ATP1A2: variants seen among roughly 807,000 people sequenced by gnomAD.
ATP1A2 encodes the protein sodium/potassium-transporting ATPase subunit alpha-2.
In ATP1A2, 56 loss-of-function variants were observed where a neutral mutation model predicts 113.1. The observed-to-expected ratio is 0.49, with a 90% CI of 0.40 to 0.62. The LOEUF is 0.62. Among genes scored for constraint, ATP1A2 ranks in the 20% least tolerant of loss-of-function variants. ATP1A2 has a pLI of 0.00. For synonymous variants in ATP1A2, 490 were observed against 526.8 expected (o/e 0.93, Z 0.96); for missense variants, 712 against 1,357.8 (o/e 0.52, Z 7.47).
intron 21 of ATP1A2, 42 bp from the exon 22 acceptor site, chr1:160,139,851 C>T: frequency 1.2e-6 from 2 of 1,611,874 alleles, no homozygotes; most frequent in Non-Finnish European, 1.7e-6. Context: ...AGCCACCAAG[C>T]CAACCTCTGA....
chr1:160,117,592 G>C (rs777285203), intron 1 of ATP1A2, among the ~76,000 whole-genome samples: 2 of 152,142 alleles, frequency 1.3e-5, no homozygotes, highest in East Asian at 1.9e-4. Flanking sequence ...CTGGAGCTTA[G>C]AGTTCAACCT....
chr1:160,137,018 C>T lies in ATP1A2; in HGVS notation c.2827C>T (p.Gln943Ter), dbSNP rs1651975273. 6.2e-7 allele frequency: 1 copy of T among 1,614,042 alleles called. No individual in the cohort carries two copies. The highest frequency in any genetic ancestry group is 8.5e-7 in the Non-Finnish European group (1 of 1,180,038). The change falls in exon 20 of 23, where the codon CAG (glutamine) becomes TAG (stop). Residue 943 changes from glutamine (Q) to a stop codon, truncating the protein, a stop_gained. Coordinates refer to ENST00000361216, the MANE Select transcript of ATP1A2 (RefSeq NM_000702.4). LOFTEE classifies it high-confidence loss of function. ...ICKTRRNSVF[Q>*]QGMKNKILIF... ...CAAGACCCGCCGCAACTCAGTCTTC[C>T]AGCAGGGCATGAAGTGAGTGCCCAC...
In ATP1A2 at chr1:160,129,021, T is replaced by C; in HGVS notation, c.1258T>C (p.Ser420Pro). The stretch of plus-strand genomic sequence containing the variant: ...ACGATCCCCTACGTGGACGGCCCTG[T>C]CTCGAATTGCTGGTCTCTGCAACCG... Reference protein sequence around the residue: ...DKRSPTWTALSRIAGLCNRAV... With the variant: ...DKRSPTWTALPRIAGLCNRAV... Residue 420 changes from serine (S) to proline (P), a missense_variant, in exon 10 of 23, where the codon TCT becomes CCT. Ser to Pro is a moderately conservative substitution (Grantham distance 74). This residue lies in a region of ATP1A2 where 263 missense variants were observed against 380.6 expected (regional missense o/e 0.69). Transcript: ENST00000361216. The C allele has an allele frequency of 6.2e-7, 1 of 1,611,158 alleles. No individual in the cohort carries two copies. The highest frequency in any genetic ancestry group is 8.5e-7 in the Non-Finnish European group (1 of 1,178,492).
intron 13 of ATP1A2, among the ~76,000 whole-genome samples, chr1:160,133,353 G>A (rs946685632): frequency 1.3e-5 from 2 of 152,080 alleles, no homozygotes; most frequent in East Asian, 1.9e-4. Context: ...GGGAGTGGAA[G>A]ATAAGGCAGT....
In ATP1A2 at chr1:160,121,261, GGGGCTTCTA is replaced by G. The variant is rs750071217; in HGVS notation, c.177+14_177+22del. The stretch of plus-strand genomic sequence containing the variant: ...AGTGGACCTGTCCAAGGTGAGTGGA[GGGGCTTCTA>G]GGGAAGGAACAAAAGAGGCAAGAAA... On this transcript the variant is annotated intron_variant, in intron 3 of 22. Transcript: ENST00000361216. 6.2e-7 allele frequency: 1 copy of G among 1,614,138 alleles called. No homozygotes were observed. The highest frequency in any genetic ancestry group is 2.2e-5 in the East Asian group (1 of 44,882).
chr1:160,134,602 T>C lies in ATP1A2; in HGVS notation c.1946T>C (p.Met649Thr), dbSNP rs1202469508. The change falls in exon 14 of 23, where the codon ATG becomes ACG. Residue 649 changes from methionine (M) to threonine (T), a missense_variant. Physicochemically the swap from Met to Thr is moderately conservative, Grantham distance 81. Around this residue, in one of 6 missense-constraint regions of ATP1A2, gnomAD observed 263 missense variants for 380.6 expected, o/e 0.69. Transcript: ENST00000361216. ...EDIAARLNIP[M>T]SQVNPREAKA... ...ATTGCAGCCCGGCTCAACATTCCCA[T>C]GAGTCAAGTCAACCCCAGGTGAGGC... is the stretch of plus-strand genomic sequence containing the variant. 6 of 1,614,054 alleles carry C rather than the reference T, an allele frequency of 3.7e-6. No individual in the cohort carries two copies. The highest frequency in any genetic ancestry group is 2.2e-5 in the East Asian group (1 of 44,894).
chr1:160,132,446 C>T (rs549820327), intron 13 of ATP1A2, among the ~76,000 whole-genome samples: 38 of 152,172 alleles, frequency 2.5e-4, no homozygotes, highest in African/African-American at 8.2e-4. Context: ...GTTAAGAGGC[C>T]ATTGCCATAG....
Position 160,129,348 on chromosome 1 carries a change from A to G in ATP1A2, c.1409A>G (p.Asp470Gly). 13 of 1,614,136 alleles carry G rather than the reference A, an allele frequency of 8.1e-6. No individual in the cohort carries two copies. The highest frequency in any genetic ancestry group is 9.3e-6 in the Non-Finnish European group (11 of 1,180,038). The change falls in exon 11 of 23, where the codon GAC becomes GGC. Residue 470 changes from aspartate to glycine, a missense_variant. Coordinates refer to ENST00000361216, the MANE Select transcript of ATP1A2 (RefSeq NM_000702.4). The stretch of plus-strand genomic sequence containing the variant: ...TGTGGCTCAGTGAGGAAAATGAGAG[A>G]CAGAAACCCCAAGGTGGCAGAGATT... ...LSCGSVRKMR[D>G]RNPKVAEIPF...
At position 160,123,797 on chromosome 1, in the gene ATP1A2, G is replaced by A. The variant is rs1382592042; in HGVS notation, c.382-146G>A. The A allele has an allele frequency of 1.0e-5, 8 of 783,656 alleles. No individual in the cohort carries two copies. The East Asian group carries it at 1.6e-4, about 16-fold the overall frequency. The allele number at this position is 783,656 out of a possible 1,614,324, so 48.5% of individuals were successfully genotyped here. ...GATCAAGGGGGAGGTTAGTGAGAAG[G>A]GCTTTCCCCTACCATCATCACTCTC... is the stretch of plus-strand genomic sequence containing the variant. On this transcript the variant is annotated intron_variant, in intron 4 of 22. Coordinates refer to ENST00000361216, the MANE Select transcript of ATP1A2 (RefSeq NM_000702.4).
At chr1:160,123,541 T>TG in intron 4 of ATP1A2, 125 bp downstream of exon 4, 3 of 1,263,358 alleles carry the variant, frequency 2.4e-6, no homozygotes, top group Non-Finnish European at 3.4e-6. Context: ...CCCCTGCATC[T>TG]TAGGCTGGAA....
intron 13 of ATP1A2, among the ~76,000 whole-genome samples, chr1:160,131,050 G>T (rs1651755464): frequency 6.6e-6 from 1 of 151,996 alleles, no homozygotes; most frequent in African/African-American, 2.4e-5. Flanking sequence ...AACTACAATT[G>T]CTTCTCACTG....
chr1:160,138,219 A>C (rs1219834679), intron 20 of ATP1A2, among the ~76,000 whole-genome samples: 1 of 152,194 alleles, frequency 6.6e-6, no homozygotes, highest in African/African-American at 2.4e-5. Flanking sequence ...CAGAGATGCT[A>C]TTTGCCTTAT....
chr1:160,125,373 G>T, intron 7 of ATP1A2, 120 bp downstream of exon 7: 6 of 924,532 alleles, frequency 6.5e-6, no homozygotes, highest in Non-Finnish European at 1.0e-5. Flanking sequence ...CAATTGAGGG[G>T]TCAGGGGGCC....
Position 160,135,199 on chromosome 1 carries a change from G to A in ATP1A2, c.2019G>A (p.Glu673=). 6.2e-7 allele frequency: 1 copy of A among 1,614,208 alleles called. No homozygotes were observed. Among genetic ancestry groups the A allele is most frequent in the Non-Finnish European group, 8.5e-7 (1 of 1,180,032 alleles). Residue 673 remains glutamate, a synonymous_variant, in exon 15 of 23, where the codon GAG becomes GAA. Transcript: ENST00000361216. The surrounding 1 kb of genome is among the most constrained non-coding windows in gnomAD (Gnocchi z 6.3). ...CTGACCTGAAGGACATGACATCGGA[G>A]CAGCTCGATGAGATCCTCAAGAACC... ...HGSDLKDMTS[E]QLDEILKNHT... is the part of the protein sequence containing the mutation.
chr1:160,125,431 G>T, intron 7 of ATP1A2, 178 bp downstream of exon 7: 1 of 628,604 alleles, frequency 1.6e-6, no homozygotes, highest in South Asian at 1.8e-5. Flanking sequence ...TTGACTGAGG[G>T]CAGCCTGACT....
At position 160,135,610 on chromosome 1, in the gene ATP1A2, G is replaced by C. The variant is rs763689415; in HGVS notation, c.2284+8G>C. On this transcript the variant is annotated splice_region_variant and intron_variant, in intron 16 of 22. Transcript: ENST00000361216. The surrounding 1 kb of genome is among the most constrained non-coding windows in gnomAD (Gnocchi z 6.3). ...TCACGGGGGTGGAGGAGGGTGAGGA[G>C]GCTGCATGGGTTGGGATGGTTTGCA... The C allele has an allele frequency of 5.6e-6, 9 of 1,613,368 alleles. No individual in the cohort carries two copies. In the East Asian group the frequency reaches 1.6e-4, roughly 28 times the overall value.
Position 160,119,788 on chromosome 1 carries a change from G to A in ATP1A2, c.13-1118G>A, listed in dbSNP as rs989918984. Among the ~76,000 whole-genome samples, 9 of 150,652 alleles carry A rather than the reference G, an allele frequency of 6.0e-5. No homozygotes were observed. In the East Asian group the frequency reaches 1.6e-3, roughly 26 times the overall value. On this transcript the variant is annotated intron_variant, in intron 1 of 22. Transcript: ENST00000361216. The stretch of plus-strand genomic sequence containing the variant: ...GCATTCTGGGAGGCCAAGGTGGGAG[G>A]ATCACTTGAGCCCAGGCAATATAGT...
In ATP1A2 at chr1:160,139,898, C is replaced by A; in HGVS notation, c.2948C>A (p.Thr983Asn). The change falls in exon 22 of 23, where the codon ACC becomes AAC. Residue 983 changes from threonine (T) to asparagine (N), a missense_variant. Physicochemically the swap from Thr to Asn is moderately conservative, Grantham distance 65. Transcript: ENST00000361216. ...VALRMYPLKV[T>N]WWFCAFPYSL... ...CTCTCCTCCATTGCTTTCAGAGTCA[C>A]CTGGTGGTTCTGCGCCTTCCCCTAC... 6.2e-7 allele frequency: 1 copy of A among 1,614,176 alleles called. No individual in the cohort carries two copies. Among genetic ancestry groups the A allele is most frequent in the Non-Finnish European group, 8.5e-7 (1 of 1,180,020 alleles).
chr1:160,115,973 G>T, intron 1 of ATP1A2, 100 bp downstream of exon 1: 1 of 1,515,672 alleles, frequency 6.6e-7, no homozygotes, highest in Non-Finnish European at 9.0e-7. Context: ...CGGGAGAGAG[G>T]AGCTGAGTGG....
Sources: gnomAD v4.1 joint callset for allele counts (sites outside exome capture counted in the v4.1 genomes callset) on GRCh38, gnomAD v4.1.1 for gene constraint, gnomAD v4.1.1 regional missense constraint, Gnocchi (gnomAD v3.1) non-coding constraint, MANE v1.5 for transcripts, NCBI Gene and HGNC (gene_info 2026-07-23, HGNC 2026-07-21) for gene names.